The following MAF variants were observed in gnomAD, a reference collection of about 807,000 sequenced individuals.
The protein encoded by MAF is transcription factor Maf.
In MAF, 10 loss-of-function variants were observed where a neutral mutation model predicts 22.0. The ratio of observed to expected loss-of-function variants is 0.45; its 90% CI spans 0.28 to 0.77. The LOEUF (loss-of-function observed/expected upper bound fraction) is 0.77, where lower values mean the gene tolerates loss of function less well. Among genes scored for constraint, MAF ranks in the 30% least tolerant of loss-of-function variants. The probability of loss-of-function intolerance (pLI) is 0.12; values close to 1 mark genes in which losing one functional copy is unlikely to be tolerated. For missense variants in MAF, 544 were observed against 548.4 expected, an observed-to-expected ratio of 0.99 and a Z score of 0.08; for synonymous variants, 337 against 255.8, an observed-to-expected ratio of 1.32 and a Z score of -3.03.
chr16:79,554,432 A>G, the MAF span, among the ~76,000 whole-genome samples: 1 of 152,238 alleles, frequency 6.6e-6, no homozygotes, highest in Non-Finnish European at 1.5e-5. Context: ...GACAGAGGAA[A>G]AGACTCAAGA....
the MAF span, among the ~76,000 whole-genome samples, chr16:79,332,418 A>G: frequency 6.6e-6 from 1 of 152,134 alleles, no homozygotes; most frequent in South Asian, 2.1e-4. Context: ...CTCGTGCCTC[A>G]GCCTCCCGAG....
chr16:79,377,833 G>C, the MAF span, among the ~76,000 whole-genome samples: 1 of 152,292 alleles, frequency 6.6e-6, no homozygotes, highest in East Asian at 1.9e-4. Context: ...AGATCAGATA[G>C]TGGTAGATAT....
At chr16:79,246,031 G>GGAAC in the MAF span, among the ~76,000 whole-genome samples, 1 of 151,972 alleles carries the variant, frequency 6.6e-6, no homozygotes, top group African/African-American at 2.4e-5. Context: ...CACAAGGAGG[G>GGAAC]GAACATCATA....
At chr16:79,368,780 C>G in the MAF span, among the ~76,000 whole-genome samples, 1 of 152,168 alleles carries the variant, frequency 6.6e-6, no homozygotes, top group Non-Finnish European at 1.5e-5. Context: ...TATCCCACAG[C>G]TAACTCTTCA....
At chr16:79,455,096 T>TA in the MAF span, among the ~76,000 whole-genome samples, 2,276 of 136,898 alleles carry the variant, frequency 0.017, 49 homozygotes, top group African/African-American at 0.052. Context: ...AACTCCGTCT[T>TA]AAAAAAAAAA....
At chr16:79,337,725 A>T in the MAF span, among the ~76,000 whole-genome samples, 2 of 152,150 alleles carry the variant, frequency 1.3e-5, no homozygotes, top group East Asian at 3.9e-4. Flanking sequence ...ACACACAAGC[A>T]CACGTGTGCA....
the MAF span, among the ~76,000 whole-genome samples, chr16:79,328,290 T>A: frequency 0.012 from 1,800 of 151,786 alleles, 26 homozygotes; most frequent in African/African-American, 0.035. Context: ...CCTTTTTTTT[T>A]AAAAAAAGAA....
At chr16:79,584,083 A>G (rs1374618266), downstream of MAF, among the ~76,000 whole-genome samples, 1 of 152,204 alleles carries the variant, frequency 6.6e-6, no homozygotes, top group African/African-American at 2.4e-5. Context: ...TCCAAGAACC[A>G]TAATATAATC....
the MAF span, among the ~76,000 whole-genome samples, chr16:79,406,830 C>T: frequency 4.6e-5 from 7 of 152,268 alleles, no homozygotes; most frequent in African/African-American, 1.4e-4. Flanking sequence ...AGGGCAGAGC[C>T]GCTTCCTGCC....
the MAF span, among the ~76,000 whole-genome samples, chr16:79,395,891 G>T: frequency 1.3e-5 from 2 of 152,164 alleles, no homozygotes; most frequent in Non-Finnish European, 2.9e-5. Flanking sequence ...GGCGAGACAG[G>T]CAAGAAGCAG....
At chr16:79,271,564 A>G in the MAF span, among the ~76,000 whole-genome samples, 1 of 152,212 alleles carries the variant, frequency 6.6e-6, no homozygotes, top group African/African-American at 2.4e-5. Flanking sequence ...GGGTAATTCA[A>G]GCATTAAAAT....
chr16:79,432,886 G>T, the MAF span, among the ~76,000 whole-genome samples: 2 of 152,170 alleles, frequency 1.3e-5, no homozygotes, highest in Admixed American at 6.5e-5. Flanking sequence ...GCCCCAGAAG[G>T]AACCAACTTT....
chr16:79,256,818 C>T, the MAF span, among the ~76,000 whole-genome samples: 2 of 152,142 alleles, frequency 1.3e-5, no homozygotes, highest in Non-Finnish European at 2.9e-5. Context: ...TTGGTGCTCA[C>T]GTGAGTCTAG....
chr16:79,404,319 A>G, the MAF span, among the ~76,000 whole-genome samples: 76 of 152,070 alleles, frequency 5.0e-4, no homozygotes, highest in African/African-American at 1.8e-3. Flanking sequence ...GCCCACCACC[A>G]CACCGTGCTA....
At chr16:79,535,915 A>G in the MAF span, among the ~76,000 whole-genome samples, 2 of 152,210 alleles carry the variant, frequency 1.3e-5, no homozygotes, top group Non-Finnish European at 2.9e-5. Flanking sequence ...GTTTAGCTAT[A>G]TGTGATACCG....
chr16:79,560,507 C>A, the MAF span, among the ~76,000 whole-genome samples: 1 of 151,548 alleles, frequency 6.6e-6, no homozygotes, highest in Non-Finnish European at 1.5e-5. Flanking sequence ...ACTATCAGTC[C>A]AAAATATGAT....
chr16:79,321,043 C>A, the MAF span, among the ~76,000 whole-genome samples: 5 of 152,194 alleles, frequency 3.3e-5, no homozygotes, highest in East Asian at 9.6e-4. Context: ...CTCTTTTGCT[C>A]ACTCACACAC....
the MAF span, among the ~76,000 whole-genome samples, chr16:79,425,387 T>C: frequency 6.6e-6 from 1 of 152,188 alleles, no homozygotes; most frequent in Non-Finnish European, 1.5e-5. Context: ...ACTACATTGT[T>C]TGCATGAAAA....
At chr16:79,416,951 T>C in the MAF span, among the ~76,000 whole-genome samples, 8 of 152,208 alleles carry the variant, frequency 5.3e-5, no homozygotes, top group Admixed American at 5.2e-4. Flanking sequence ...TAATTATTCT[T>C]ATTTGCACAC....
Sources: allele counts gnomAD v4.1 joint callset (sites outside exome capture counted in the v4.1 genomes callset), GRCh38; gene constraint gnomAD v4.1.1; transcripts MANE v1.5; gene names NCBI Gene and HGNC (gene_info 2026-07-23, HGNC 2026-07-21).